EPB41L4A: variants seen among roughly 807,000 people sequenced by gnomAD.
EPB41L4A encodes erythrocyte membrane protein band 4.1 like 4A, also known as band 4.1-like protein 4A.
A neutral mutation model predicts 108.6 loss-of-function variants in EPB41L4A; 100 were observed. The observed-to-expected ratio is 0.92, with a 90% CI of 0.78 to 1.09. EPB41L4A has a LOEUF of 1.09. EPB41L4A is among the 50% of genes least tolerant of loss of function. The pLI is 0.00. For missense variants in EPB41L4A, 1,030 were observed against 842.7 expected (o/e 1.22, Z -2.75); for synonymous variants, 319 against 289.0 (o/e 1.10, Z -1.05).
chr5:112,381,486 T>C (rs1386444888), intron 1 of EPB41L4A, among the ~76,000 whole-genome samples: 1 of 152,224 alleles, frequency 6.6e-6, no homozygotes, highest in African/African-American at 2.4e-5. Context: ...TTATATTCCA[T>C]CCAGTGTGCA....
chr5:112,386,338 G>A (rs1477747890), intron 1 of EPB41L4A, among the ~76,000 whole-genome samples: 3 of 151,886 alleles, frequency 2.0e-5, no homozygotes, highest in African/African-American at 7.3e-5. Context: ...ATTTCCAATG[G>A]GACATCAAAC....
In EPB41L4A at chr5:112,234,655, T is replaced by C. The variant is rs1328235139; in HGVS notation, c.1066A>G (p.Ile356Val). ...TTACCAGCTGGCTGTGTTTGTGCTA[T>C]TCGCTTAGGGTAAGTCTTGCTTCGA... Reference protein sequence around the residue: ...RSRSKTYPKRIAQTQPAESNS... With the variant: ...RSRSKTYPKRVAQTQPAESNS... Residue 356 changes from isoleucine to valine, a missense_variant, in exon 12 of 23, where the codon ATA becomes GTA. Transcript: ENST00000261486. 2 of 1,613,512 alleles carry C rather than the reference T, an allele frequency of 1.2e-6. No individual in the cohort carries two copies. The highest frequency in any genetic ancestry group is 1.3e-5 in the African/African-American group (1 of 75,034).
At chr5:112,146,571 C>T (rs907791780) in intron 12 of EPB41L4A, among the ~76,000 whole-genome samples, 1 of 152,142 alleles carries the variant, frequency 6.6e-6, no homozygotes, top group Non-Finnish European at 1.5e-5. Flanking sequence ...ACACATGCCA[C>T]ATATATTTAG....
intron 1 of EPB41L4A, among the ~76,000 whole-genome samples, chr5:112,343,493 G>A (rs185968126): frequency 2.0e-4 from 30 of 152,124 alleles, no homozygotes; most frequent in African/African-American, 6.0e-4. Context: ...AGTACTTAGC[G>A]AGTTCCCAGC....
chr5:112,215,759 T>C (rs1188731410), intron 12 of EPB41L4A, among the ~76,000 whole-genome samples: 1 of 40,228 alleles, frequency 2.5e-5, no homozygotes, highest in African/African-American at 8.7e-5. Flanking sequence ...TGAGACTCCA[T>C]CTCAAAAAAA....
intron 1 of EPB41L4A, among the ~76,000 whole-genome samples, chr5:112,333,334 TGTG>T (rs1756695681): frequency 1.3e-5 from 2 of 151,992 alleles, no homozygotes; most frequent in South Asian, 4.2e-4. Flanking sequence ...ACGGCAGGAA[TGTG>T]CATGTCAACT....
At position 112,303,329 on chromosome 5, in the gene EPB41L4A, G is replaced by T. The variant is rs193231728; in HGVS notation, c.204+4057C>A. 4.1e-4 allele frequency among the ~76,000 whole-genome samples: 63 copies of T among 152,274 alleles called. 1 individual carries two copies. The East Asian group carries it at 9.2e-3, about 22-fold the overall frequency. On this transcript the variant is annotated intron_variant, in intron 2 of 22. Transcript: ENST00000261486. ...TGAGGATTTTTGTTCAATACTCAGA[G>T]TACTCGGGGGCAGGGAAGAGAATAC... is the stretch of plus-strand genomic sequence containing the variant.
At position 112,204,404 on chromosome 5, in the gene EPB41L4A, G is replaced by A; in HGVS notation, c.1347C>T (p.Asp449=). ...TRRRNPSCGS[D]NDSVQPVRRR... is the part of the protein sequence containing the mutation. ...TCCTCACAGGCTGTACAGAATCATT[G>A]TCACTTCCACAGGAGGGGTTTCGGC... is the stretch of plus-strand genomic sequence containing the variant. Residue 449 remains aspartate, a synonymous_variant, in exon 15 of 23, where the codon GAC becomes GAT. Transcript: ENST00000261486. 6.2e-7 allele frequency: 1 copy of A among 1,613,584 alleles called. No individual in the cohort carries two copies. Among genetic ancestry groups the A allele is most frequent in the Non-Finnish European group, 8.5e-7 (1 of 1,179,556 alleles).
chr5:112,245,750 G>C (rs765443104), intron 9 of EPB41L4A, among the ~76,000 whole-genome samples: 1 of 152,170 alleles, frequency 6.6e-6, no homozygotes, highest in Non-Finnish European at 1.5e-5. Flanking sequence ...TACTCACACA[G>C]GTGATCTCAC....
chr5:112,271,266 G>C (rs1047002624), intron 4 of EPB41L4A, among the ~76,000 whole-genome samples: 2 of 152,188 alleles, frequency 1.3e-5, no homozygotes, highest in South Asian at 2.1e-4. Context: ...AAACATGCAA[G>C]AAGACCTATC....
At chr5:112,263,297 G>A (rs1428558467) in intron 6 of EPB41L4A, 1 of 152,106 alleles carries the variant, frequency 6.6e-6, no homozygotes, top group East Asian at 1.9e-4. Context: ...ATAACCAAAG[G>A]AGGTCAAATC....
At chr5:112,233,824 G>T (rs1006797918) in intron 12 of EPB41L4A, among the ~76,000 whole-genome samples, 1 of 151,976 alleles carries the variant, frequency 6.6e-6, no homozygotes, top group Non-Finnish European at 1.5e-5. Flanking sequence ...TTTGTCTTGT[G>T]TGGTTTTTGT....
chr5:112,315,474 G>A (rs1324468368), intron 1 of EPB41L4A, among the ~76,000 whole-genome samples: 1 of 152,036 alleles, frequency 6.6e-6, no homozygotes, highest in Non-Finnish European at 1.5e-5. Flanking sequence ...CTTTCTTCCT[G>A]TTTCTTATGA....
At chr5:112,337,855 G>A (rs1409375647) in intron 1 of EPB41L4A, among the ~76,000 whole-genome samples, 1 of 152,140 alleles carries the variant, frequency 6.6e-6, no homozygotes, top group East Asian at 1.9e-4. Context: ...AAGCCTTTGG[G>A]CCATTCCTTG....
intron 17 of EPB41L4A, among the ~76,000 whole-genome samples, chr5:112,192,814 G>C (rs1192198030): frequency 6.6e-6 from 1 of 152,150 alleles, no homozygotes; most frequent in Non-Finnish European, 1.5e-5. Flanking sequence ...GCCACCTTCT[G>C]AACAGTTGAG....
intron 1 of EPB41L4A, among the ~76,000 whole-genome samples, chr5:112,400,173 G>A (rs1761645386): frequency 6.6e-6 from 1 of 152,092 alleles, no homozygotes; most frequent in South Asian, 2.1e-4. Flanking sequence ...TATACAAGGT[G>A]GTAGGAAAGA....
intron 1 of EPB41L4A, among the ~76,000 whole-genome samples, chr5:112,364,460 C>A (rs1409711154): frequency 6.6e-6 from 1 of 152,192 alleles, no homozygotes; most frequent in Non-Finnish European, 1.5e-5. Context: ...GCCAGTAATA[C>A]TGGTATTACT....
At chr5:112,334,629 C>T (rs1580706733) in intron 1 of EPB41L4A, among the ~76,000 whole-genome samples, 1 of 152,192 alleles carries the variant, frequency 6.6e-6, no homozygotes, top group Middle Eastern at 3.4e-3. Context: ...CCCATCATTC[C>T]CTTTGTGCTG....
At chr5:112,158,335 C>T (rs576655043), downstream of EPB41L4A, 48 of 267,650 alleles carry the variant, frequency 1.8e-4, no homozygotes, top group South Asian at 1.4e-3. Flanking sequence ...CACAATGCTA[C>T]GTGATTCCAC....
Sources: gnomAD v4.1 joint callset for allele counts (sites outside exome capture counted in the v4.1 genomes callset) on GRCh38, gnomAD v4.1.1 for gene constraint, MANE v1.5 for transcripts, NCBI Gene and HGNC (gene_info 2026-07-23, HGNC 2026-07-21) for gene names.